The following MUC5B variants were observed in gnomAD, a reference collection of about 807,000 sequenced individuals.
The protein encoded by MUC5B is mucin 5B, oligomeric mucus/gel-forming.
A neutral mutation model predicts 376.9 loss-of-function variants in MUC5B; 116 were observed. The ratio of observed to expected loss-of-function variants is 0.31; its 90% CI spans 0.26 to 0.36. The LOEUF (loss-of-function observed/expected upper bound fraction) is 0.36. MUC5B is among the 10% of genes least tolerant of loss of function. MUC5B has a pLI of 1.00. For missense variants in MUC5B, 7,165 were observed against 7,769.9 expected, an observed-to-expected ratio of 0.92 and a Z score of 2.93; for synonymous variants, 3,517 against 3,390.9, an observed-to-expected ratio of 1.04 and a Z score of -1.29.
In MUC5B at chr11:1,238,969, C is replaced by T. The variant is rs375911585; in HGVS notation, c.3396C>T (p.Tyr1132=). ...CECFCTAVAA[Y]AQACHDAGLC... Reference sequence around the variant, plus strand: ...GTTTCTGCACGGCTGTGGCTGCCTACGCCCAGGCCTGCCACGACGCGGGCC... The same window carrying T: ...GTTTCTGCACGGCTGTGGCTGCCTATGCCCAGGCCTGCCACGACGCGGGCC... Residue 1132 remains tyrosine (Y), a synonymous_variant, in exon 26 of 49, where the codon TAC becomes TAT. Transcript: ENST00000529681. 50 of 1,572,672 alleles carry T rather than the reference C, an allele frequency of 3.2e-5. No individual in the cohort carries two copies. Among genetic ancestry groups the T allele is most frequent in the Middle Eastern group, 1.7e-4 (1 of 6,038 alleles).
In MUC5B at chr11:1,242,240, AGT is replaced by A; in HGVS notation, c.5364_5365del (p.Cys1788Ter). The A allele has an allele frequency of 6.2e-7, 1 of 1,613,812 alleles. No homozygotes were observed. Among genetic ancestry groups the A allele is most frequent in the Non-Finnish European group, 8.5e-7 (1 of 1,179,862 alleles). On this transcript the variant is annotated frameshift_variant, in exon 31 of 49. Coordinates refer to ENST00000529681, the MANE Select transcript of MUC5B (RefSeq NM_002458.3). LOFTEE classifies it high-confidence loss of function. ...CAGGGCACGACCCGCTGTCAACCGA[AGT>A]GTGAGTGGACAGAGTGGTTTGACGT...
chr11:1,259,211 T>C (rs56334064), intron 44 of MUC5B, 150 bp downstream of exon 44: 23,297 of 591,962 alleles, frequency 0.039, 925 homozygotes, highest in African/African-American at 0.16. Flanking sequence ...CCTGAGGCAC[T>C]TGCCCCCAAG....
rs551561675 is a variant in MUC5B at position 1,246,541 on chromosome 11, G to A, written c.9661G>A (p.Ala3221Thr). The change falls in exon 31 of 49, where the codon GCC becomes ACC. Residue 3221 changes from alanine to threonine, a missense_variant. Physicochemically the swap from Ala to Thr is moderately conservative, Grantham distance 58. Transcript: ENST00000529681. ...TPSSSPGTAT[A>T]LPALRSTATT... ...CTCCTCCAGTCCAGGGACTGCAACC[G>A]CCCTTCCAGCACTGAGAAGCACAGC... The A allele has an allele frequency of 4.5e-5, 72 of 1,607,756 alleles. No homozygotes were observed. Among genetic ancestry groups the A allele is most frequent in the East Asian group, 4.3e-4 (19 of 44,494 alleles).
At position 1,257,674 on chromosome 11, in the gene MUC5B, C is replaced by T. The variant is rs769415078; in HGVS notation, c.16414C>T (p.Arg5472Trp). ...RPGFVTVTRP[R>W]AENPCCPETV... ...CGGCTTCGTAACCGTGACCAGGCCC[C>T]GGGCCGAGAACCCCTGCTGCCCCGA... The change falls in exon 41 of 49, where the codon CGG (arginine) becomes TGG (tryptophan). Residue 5472 changes from arginine to tryptophan, a missense_variant. Physicochemically the swap from Arg to Trp is moderately radical, Grantham distance 101. Around this residue, in one of 31 missense-constraint regions of MUC5B, gnomAD observed 842 missense variants for 1,016.9 expected, o/e 0.83. Transcript: ENST00000529681. This position sits in a 1 kb window ranked among gnomAD's most constrained non-coding sequence, Gnocchi z 8.9. 153 of 1,576,134 alleles carry T rather than the reference C, an allele frequency of 9.7e-5. 1 individual carries two copies. The highest frequency in any genetic ancestry group is 9.4e-5 in the Non-Finnish European group (110 of 1,168,586).
In MUC5B at chr11:1,229,729, C is replaced by T. The variant is rs1271395570; in HGVS notation, c.1142C>T (p.Pro381Leu). Residue 381 changes from proline to leucine, a missense_variant, in exon 10 of 49, where the codon CCC becomes CTC. Physicochemically the swap from Pro to Leu is moderately conservative, Grantham distance 98. Coordinates refer to ENST00000529681, the MANE Select transcript of MUC5B (RefSeq NM_002458.3). ...GACATCACGCACTCTGGCTGCCTGCCCCTCGGGCAGTGCCCCTGCACCCAC... is the reference window on the plus strand; with the variant it reads ...GACATCACGCACTCTGGCTGCCTGCTCCTCGGGCAGTGCCCCTGCACCCAC... ...LDDITHSGCL[P>L]LGQCPCTHGG... The T allele has an allele frequency of 6.3e-7, 1 of 1,596,078 alleles. No homozygotes were observed.
chr11:1,250,181 C>T lies in MUC5B; in HGVS notation c.13301C>T (p.Thr4434Ile). The stretch of plus-strand genomic sequence containing the variant: ...ACAACAGCCACTACGACTGCGTCCA[C>T]TGGATCCACGGCCACCCCGTCCTCC... ...LTTTATTTASTGSTATPSSTP... is the reference protein window; with the variant it reads ...LTTTATTTASIGSTATPSSTP... Residue 4434 changes from threonine (T) to isoleucine (I), a missense_variant, in exon 31 of 49, where the codon ACT becomes ATT. Thr to Ile is a moderately conservative substitution (Grantham distance 89). Transcript: ENST00000529681. 1.3e-6 allele frequency: 2 copies of T among 1,589,072 alleles called. No homozygotes were observed. The highest frequency in any genetic ancestry group is 1.7e-6 in the Non-Finnish European group (2 of 1,160,510).
intron 7 of MUC5B, 184 bp from the exon 8 acceptor site, chr11:1,228,380 G>C: frequency 1.7e-6 from 1 of 587,698 alleles, no homozygotes; most frequent in Non-Finnish European, 2.9e-6. Context: ...CCGGTCACGG[G>C]TCACTCCCCA....
In MUC5B at chr11:1,242,675, C is replaced by A; in HGVS notation, c.5795C>A (p.Thr1932Lys). The part of the protein sequence containing the change: ...STATPTSTLR[T>K]APPPKVLTTT... ...GCCACCCCGACCTCCACCCTGAGAA[C>A]AGCTCCCCCTCCCAAAGTGCTGACC... is the stretch of plus-strand genomic sequence containing the variant. Residue 1932 changes from threonine to lysine, a missense_variant, in exon 31 of 49, where the codon ACA becomes AAA. This residue lies in a region of MUC5B where 897 missense variants were observed against 779.6 expected (regional missense o/e 1.15). Coordinates refer to ENST00000529681, the MANE Select transcript of MUC5B (RefSeq NM_002458.3). The A allele has an allele frequency of 1.9e-6, 3 of 1,613,774 alleles. No homozygotes were observed. Among genetic ancestry groups the A allele is most frequent in the Non-Finnish European group, 2.5e-6 (3 of 1,179,784 alleles).
intron 25 of MUC5B, among the ~76,000 whole-genome samples, chr11:1,238,625 T>C (rs1862205350): frequency 6.6e-6 from 1 of 151,988 alleles, no homozygotes; most frequent in Non-Finnish European, 1.5e-5. Flanking sequence ...GGTGGGCAGA[T>C]GGACAGGTGG....
chr11:1,233,802 G>C lies in MUC5B; in HGVS notation c.2331G>C (p.Thr777=). 1.9e-6 allele frequency: 3 copies of C among 1,605,354 alleles called. No individual in the cohort carries two copies. The highest frequency in any genetic ancestry group is 2.2e-5 in the South Asian group (2 of 89,750). The stretch of plus-strand genomic sequence containing the variant: ...CGTCTGTCTCTTGTAGTTCATGTAC[G>C]GGTGGGAAGCTAAGCTGCCTGGGAG... ...VHDEGAVCSC[T]GGKLSCLGAS... The change falls in exon 19 of 49, where the codon ACG becomes ACC. Residue 777 remains threonine (T), a synonymous_variant. Coordinates refer to ENST00000529681, the MANE Select transcript of MUC5B (RefSeq NM_002458.3).
Position 1,249,108 on chromosome 11 carries a change from C to A in MUC5B, c.12228C>A (p.Thr4076=), listed in dbSNP as rs567071644. 5.0e-6 allele frequency: 8 copies of A among 1,611,052 alleles called. No homozygotes were observed. The South Asian group carries it at 8.8e-5, about 18-fold the overall frequency. The part of the protein sequence containing the change: ...LSSPHPSSRT[T]ESPPSPGTTT... ...GCCCTCACCCTAGCAGCAGGACCACCGAGTCACCCCCTTCCCCAGGGACGA... is the reference window on the plus strand; with the variant it reads ...GCCCTCACCCTAGCAGCAGGACCACAGAGTCACCCCCTTCCCCAGGGACGA... Residue 4076 remains threonine (T), a synonymous_variant, in exon 31 of 49, where the codon ACC becomes ACA. Transcript: ENST00000529681.
chr11:1,255,316 C>CGCAT (rs1862809145), intron 36 of MUC5B, 50 bp downstream of exon 36: 7 of 1,514,698 alleles, frequency 4.6e-6, no homozygotes, highest in African/African-American at 4.1e-5. Context: ...CCCGCCCGCC[C>CGCAT]GCATGCACGC....
At position 1,243,753 on chromosome 11, in the gene MUC5B, C is replaced by T; in HGVS notation, c.6873C>T (p.Thr2291=). ...RTTATATPSK[T]RTSTLLPSSP... ...CAGCCACGGCCACACCCAGCAAGACCCGCACCTCGACCCTGCTGCCCAGCA... is the reference window on the plus strand; with the variant it reads ...CAGCCACGGCCACACCCAGCAAGACTCGCACCTCGACCCTGCTGCCCAGCA... Residue 2291 remains threonine, a synonymous_variant, in exon 31 of 49, where the codon ACC becomes ACT. Coordinates refer to ENST00000529681, the MANE Select transcript of MUC5B (RefSeq NM_002458.3). 1 of 1,611,730 alleles carries T rather than the reference C, an allele frequency of 6.2e-7. No individual in the cohort carries two copies. Among genetic ancestry groups the T allele is most frequent in the South Asian group, 1.1e-5 (1 of 90,978 alleles).
Position 1,238,867 on chromosome 11 carries a change from G to A in MUC5B, c.3298-4G>A, listed in dbSNP as rs772276051. ...GCTGAGCTGCACCTTGGCCTCACCCGCAGGTTGACTCCACCAAGTACTACG... is the reference window on the plus strand; with the variant it reads ...GCTGAGCTGCACCTTGGCCTCACCCACAGGTTGACTCCACCAAGTACTACG... On this transcript the variant is annotated splice_region_variant and splice_polypyrimidine_tract_variant and intron_variant, in intron 25 of 48. Coordinates refer to ENST00000529681, the MANE Select transcript of MUC5B (RefSeq NM_002458.3). The A allele has an allele frequency of 1.0e-5, 16 of 1,551,858 alleles. No individual in the cohort carries two copies. Among genetic ancestry groups the A allele is most frequent in the African/African-American group, 5.5e-5 (4 of 73,204 alleles).
intron 44 of MUC5B, 123 bp downstream of exon 44, chr11:1,259,184 C>T (rs1862934088): frequency 8.5e-6 from 9 of 1,059,056 alleles, no homozygotes; most frequent in Non-Finnish European, 1.2e-5. Flanking sequence ...CCCGAGGCAC[C>T]TGCCCCCAGG....
At chr11:1,256,463 G>GGGC in intron 38 of MUC5B, 1 of 505,916 alleles carries the variant, frequency 2.0e-6, no homozygotes. Flanking sequence ...CCGCCACCGA[G>GGGC]CCCCACCCAT....
chr11:1,261,881 G>A lies in MUC5B; in HGVS notation c.*273G>A. On this transcript the variant is annotated 3_prime_UTR_variant, in exon 49 of 49. Coordinates refer to ENST00000529681, the MANE Select transcript of MUC5B (RefSeq NM_002458.3). ...TGCCCCTCCCTGATGTCACTGGGAC[G>A]CCCTGGAACAAACTAAGCATGTGCG... The A allele has an allele frequency of 1.5e-6, 1 of 670,594 alleles. No individual in the cohort carries two copies. Among genetic ancestry groups the A allele is most frequent in the Non-Finnish European group, 2.7e-6 (1 of 364,590 alleles). 41.5% of individuals were successfully genotyped at this position (670,594 alleles called of 1,614,324 possible). A position where few individuals can be genotyped will look rare whatever the true frequency, so the allele number is the denominator to read the frequency against.
intron 46 of MUC5B, 127 bp from the exon 47 acceptor site, chr11:1,260,224 C>G: frequency 7.3e-7 from 1 of 1,375,408 alleles, no homozygotes; most frequent in Non-Finnish European, 1.0e-6. Flanking sequence ...AGCCCCACCC[C>G]TGCCTGGGAG....
At chr11:1,232,315 G>C in intron 15 of MUC5B, 135 bp from the exon 16 acceptor site, 1 of 1,349,462 alleles carries the variant, frequency 7.4e-7, no homozygotes, top group Non-Finnish European at 1.0e-6. Flanking sequence ...CAGGCGGCCA[G>C]AACCCCCCAA....
Sources: gnomAD v4.1 joint callset for allele counts (sites outside exome capture counted in the v4.1 genomes callset) on GRCh38, gnomAD v4.1.1 for gene constraint, gnomAD v4.1.1 regional missense constraint, Gnocchi (gnomAD v3.1) non-coding constraint, MANE v1.5 for transcripts, NCBI Gene and HGNC (gene_info 2026-07-23, HGNC 2026-07-21) for gene names.